The following PRDM11 variants were observed in gnomAD, a reference collection of about 807,000 sequenced individuals.
PRDM11 encodes PR/SET domain 11.
PRDM11 carries 20 observed loss-of-function variants against 97.8 expected under a neutral mutation model. The observed-to-expected ratio is 0.20, with a 90% confidence interval of 0.14 to 0.30. The LOEUF (loss-of-function observed/expected upper bound fraction) is 0.30. PRDM11 is among the 10% of genes least tolerant of loss of function. The probability of loss-of-function intolerance (pLI) is 1.00; values close to 1 mark genes in which losing one functional copy is unlikely to be tolerated. For synonymous variants in PRDM11, 599 were observed against 637.7 expected, an observed-to-expected ratio of 0.94 and a Z score of 0.91; for missense variants, 1,139 against 1,555.2, an observed-to-expected ratio of 0.73 and a Z score of 4.50.
upstream of PRDM11, among the ~76,000 whole-genome samples, chr11:45,094,296 C>T (rs1851852811): frequency 6.6e-6 from 1 of 152,024 alleles, no homozygotes; most frequent in Non-Finnish European, 1.5e-5. Context: ...TCTCCTAACA[C>T]CTGATGCTGG....
At chr11:45,187,091 G>T (rs75238738) in intron 4 of PRDM11, among the ~76,000 whole-genome samples, 1,896 of 152,310 alleles carry the variant, frequency 0.012, 36 homozygotes, top group African/African-American at 0.044. Context: ...TTCTTATGGA[G>T]CCTGTGGTTC....
At chr11:45,144,040 T>C (rs890322704), upstream of PRDM11, among the ~76,000 whole-genome samples, 9 of 152,192 alleles carry the variant, frequency 5.9e-5, no homozygotes, top group Non-Finnish European at 8.8e-5. Flanking sequence ...TCTGCCCACA[T>C]TGACCCAGAG....
intron 1 of PRDM11, among the ~76,000 whole-genome samples, chr11:45,110,118 G>T (rs1318730): frequency 0.025 from 3,840 of 152,316 alleles, 171 homozygotes; most frequent in African/African-American, 0.088. Flanking sequence ...CACTTTGCGT[G>T]CAAACACCCC....
chr11:45,134,716 A>AAAAAAAAAAAAT (rs1447385393), intron 1 of PRDM11, among the ~76,000 whole-genome samples: 10 of 148,362 alleles, frequency 6.7e-5, no homozygotes, highest in Admixed American at 3.4e-4. Context: ...AAAAAAAAAA[A>AAAAAAAAAAAAT]AAAAAAAAAA....
chr11:45,185,340 G>C (rs1221004798), intron 4 of PRDM11, among the ~76,000 whole-genome samples: 5 of 152,216 alleles, frequency 3.3e-5, no homozygotes, highest in African/African-American at 1.2e-4. Context: ...GGACAGAATA[G>C]TCCCTCATAA....
intron 4 of PRDM11, among the ~76,000 whole-genome samples, chr11:45,193,112 C>T (rs1211207533): frequency 6.6e-6 from 1 of 152,172 alleles, no homozygotes; most frequent in Non-Finnish European, 1.5e-5. Context: ...GGAACTTACT[C>T]TATTGCCCAG....
chr11:45,207,551 T>C (rs1307221870), intron 5 of PRDM11, among the ~76,000 whole-genome samples: 3 of 152,198 alleles, frequency 2.0e-5, no homozygotes, highest in Non-Finnish European at 1.5e-5. Context: ...AAAAATTTTC[T>C]AGCCCCAACT....
chr11:45,213,351 G>A (rs569210292), intron 5 of PRDM11: 49 of 453,544 alleles, frequency 1.1e-4, no homozygotes, highest in South Asian at 6.2e-4. Context: ...GGAGGGGGGC[G>A]CAACAGTGGG....
intron 1 of PRDM11, among the ~76,000 whole-genome samples, chr11:45,100,131 G>A (rs1851948904): frequency 6.6e-6 from 1 of 152,172 alleles, no homozygotes; most frequent in Non-Finnish European, 1.5e-5. Context: ...ATTACACTAT[G>A]TAATAAAGTC....
chr11:45,213,668 C>T (rs1265282219), intron 5 of PRDM11: 2 of 456,316 alleles, frequency 4.4e-6, no homozygotes, highest in African/African-American at 4.0e-5. Flanking sequence ...TTATGCTTTT[C>T]CTCGCCCTTG....
At chr11:45,095,007 A>T (rs985824791), upstream of PRDM11, among the ~76,000 whole-genome samples, 16 of 152,152 alleles carry the variant, frequency 1.1e-4, no homozygotes, top group African/African-American at 3.9e-4. Flanking sequence ...GCCCTTGTCC[A>T]GCCACCAGCA....
At chr11:45,118,375 A>T (rs1852349608) in intron 1 of PRDM11, among the ~76,000 whole-genome samples, 1 of 152,230 alleles carries the variant, frequency 6.6e-6, no homozygotes, top group East Asian at 1.9e-4. Context: ...TTAGGGGTGC[A>T]TAGGAACTCT....
rs1853328562 is a variant in PRDM11, at chr11:45,201,637, G to C, written c.487-3074G>C. On this transcript the variant is annotated intron_variant, in intron 4 of 7. Transcript: ENST00000683152. Reference sequence around the variant, plus strand: ...GCCTCCTGAGTATCTGGGACCACAGGCGTGCACTACCACACTTGGCTAATT... The same window carrying C: ...GCCTCCTGAGTATCTGGGACCACAGCCGTGCACTACCACACTTGGCTAATT... Among the ~76,000 whole-genome samples the C allele has an allele frequency of 2.0e-5, 3 of 152,100 alleles. No individual in the cohort carries two copies. The South Asian group carries it at 6.2e-4, about 32-fold the overall frequency.
At chr11:45,101,687 A>C (rs1851985326) in intron 1 of PRDM11, among the ~76,000 whole-genome samples, 1 of 127,454 alleles carries the variant, frequency 7.8e-6, no homozygotes, top group Admixed American at 7.8e-5. Context: ...AGGAAGAAGA[A>C]GGCGTTCAGG....
At chr11:45,205,796 A>G (rs1202395961) in intron 5 of PRDM11, among the ~76,000 whole-genome samples, 2 of 152,186 alleles carry the variant, frequency 1.3e-5, no homozygotes, top group Non-Finnish European at 2.9e-5. Context: ...TGTCCTTCCC[A>G]GTGGCTCCAC....
intron 1 of PRDM11, among the ~76,000 whole-genome samples, chr11:45,167,033 CTG>C (rs1298936769): frequency 6.6e-6 from 1 of 152,208 alleles, no homozygotes; most frequent in African/African-American, 2.4e-5. Context: ...TCTTGTGAGA[CTG>C]AGCTGCACTC....
At chr11:45,144,763 C>T (rs979035862), upstream of PRDM11, among the ~76,000 whole-genome samples, 3 of 152,234 alleles carry the variant, frequency 2.0e-5, no homozygotes, top group Non-Finnish European at 4.4e-5. Flanking sequence ...CTACCTCTGA[C>T]ATTACTTCCT....
At chr11:45,202,457 A>C (rs866924166) in intron 4 of PRDM11, among the ~76,000 whole-genome samples, 1 of 152,256 alleles carries the variant, frequency 6.6e-6, no homozygotes, top group Admixed American at 6.5e-5. Flanking sequence ...TCTTCTGTCA[A>C]ACTCACATAA....
chr11:45,147,250 G>C (rs1851537422), intron 1 of PRDM11: 1 of 151,736 alleles, frequency 6.6e-6, no homozygotes, highest in Non-Finnish European at 1.5e-5. Flanking sequence ...GGGAGTGGCG[G>C]CCCGGGCCGA....
Sources: allele counts gnomAD v4.1 joint callset (sites outside exome capture counted in the v4.1 genomes callset), GRCh38; gene constraint gnomAD v4.1.1; transcripts MANE v1.5; gene names NCBI Gene and HGNC (gene_info 2026-07-23, HGNC 2026-07-21).